FAT3: variants seen among roughly 807,000 people sequenced by gnomAD.
FAT3 encodes the protein protocadherin Fat 3.
A neutral mutation model predicts 310.2 loss-of-function variants in FAT3; 95 were observed. The ratio of observed to expected loss-of-function variants is 0.31; its 90% CI spans 0.26 to 0.36. FAT3 has a LOEUF of 0.36. Among genes scored for constraint, FAT3 ranks in the 10% least tolerant of loss-of-function variants. The pLI, the probability that FAT3 is intolerant of heterozygous loss-of-function variation, is 1.00. For synonymous variants in FAT3, 2,314 were observed against 2,192.9 expected, an observed-to-expected ratio of 1.06 and a Z score of -1.54; for missense variants, 5,408 against 5,715.6, an observed-to-expected ratio of 0.95 and a Z score of 1.74.
At chr11:92,280,993 T>C (rs1178821651) in intron 1 of FAT3, among the ~76,000 whole-genome samples, 1 of 152,182 alleles carries the variant, frequency 6.6e-6, no homozygotes, top group East Asian at 1.9e-4. Context: ...AAATATATAT[T>C]TATTGCAAAT....
At chr11:92,286,548 C>T (rs928992498) in intron 1 of FAT3, among the ~76,000 whole-genome samples, 1 of 152,112 alleles carries the variant, frequency 6.6e-6, no homozygotes, top group Non-Finnish European at 1.5e-5. Flanking sequence ...AGTTGTTTTC[C>T]TGAAGGACCA....
chr11:92,631,655 G>A (rs1309154714), intron 3 of FAT3, among the ~76,000 whole-genome samples: 3 of 151,972 alleles, frequency 2.0e-5, no homozygotes, highest in Admixed American at 6.6e-5. Context: ...AATTAAACCC[G>A]TTTTCTTTAT....
intron 2 of FAT3, among the ~76,000 whole-genome samples, chr11:92,476,089 G>A (rs1197845536): frequency 6.6e-6 from 1 of 152,094 alleles, no homozygotes; most frequent in Non-Finnish European, 1.5e-5. Context: ...GTGCGTGTGT[G>A]TGTGTATACA....
intron 3 of FAT3, among the ~76,000 whole-genome samples, chr11:92,573,163 A>T (rs654032): frequency 3.9e-5 from 6 of 152,018 alleles, no homozygotes; most frequent in Non-Finnish European, 7.4e-5. Context: ...CCCATTTCTC[A>T]TAAGCCAACA....
At chr11:92,619,650 T>C (rs1230338102) in intron 3 of FAT3, among the ~76,000 whole-genome samples, 1 of 152,132 alleles carries the variant, frequency 6.6e-6, no homozygotes, top group Non-Finnish European at 1.5e-5. Flanking sequence ...TTTGTTGTAA[T>C]ATAGTTATTC....
At chr11:92,254,631 G>A (rs1192393291) in intron 1 of FAT3, among the ~76,000 whole-genome samples, 2 of 152,040 alleles carry the variant, frequency 1.3e-5, no homozygotes, top group South Asian at 2.1e-4. Flanking sequence ...TTACCCTATG[G>A]AAATTTTACT....
At chr11:92,790,302 C>A in intron 8 of FAT3, 84 bp downstream of exon 8, 2 of 1,376,862 alleles carry the variant, frequency 1.5e-6, no homozygotes, top group South Asian at 1.6e-5. Context: ...GTATAGGGCC[C>A]CTAAATTTTA....
chr11:92,508,338 A>G (rs1953182326), intron 2 of FAT3, among the ~76,000 whole-genome samples: 1 of 152,114 alleles, frequency 6.6e-6, no homozygotes, highest in Non-Finnish European at 1.5e-5. Context: ...TAAGTGAGCT[A>G]TATGCTTTCA....
intron 3 of FAT3, among the ~76,000 whole-genome samples, chr11:92,618,109 C>A (rs1485552872): frequency 6.6e-6 from 1 of 152,206 alleles, no homozygotes; most frequent in Non-Finnish European, 1.5e-5. Context: ...GGCAGGCCTC[C>A]ATGAGCTGCG....
chr11:92,644,838 C>T (rs895331015), intron 3 of FAT3, among the ~76,000 whole-genome samples: 8 of 152,144 alleles, frequency 5.3e-5, no homozygotes, highest in African/African-American at 9.7e-5. Flanking sequence ...CTCTAACATG[C>T]GTGACTGGTT....
intron 1 of FAT3, among the ~76,000 whole-genome samples, chr11:92,338,610 G>T (rs939859924): frequency 6.6e-6 from 1 of 152,094 alleles, no homozygotes; most frequent in Non-Finnish European, 1.5e-5. Context: ...AAAATTATGC[G>T]AGCCTCTGGA....
intron 3 of FAT3, among the ~76,000 whole-genome samples, chr11:92,627,987 G>A (rs1385928377): frequency 6.6e-6 from 1 of 152,170 alleles, no homozygotes; most frequent in Non-Finnish European, 1.5e-5. Flanking sequence ...CCTACTGTGC[G>A]ACCTCAGAAA....
intron 14 of FAT3, among the ~76,000 whole-genome samples, chr11:92,833,606 A>G (rs1948323051): frequency 6.6e-6 from 1 of 152,212 alleles, no homozygotes; most frequent in Non-Finnish European, 1.5e-5. Context: ...CTGTAGGGAT[A>G]CCAAAAATGT....
At chr11:92,631,596 A>G (rs1225123736) in intron 3 of FAT3, among the ~76,000 whole-genome samples, 1 of 152,040 alleles carries the variant, frequency 6.6e-6, no homozygotes, top group East Asian at 1.9e-4. Flanking sequence ...GCCTTCTGCC[A>G]TGATCACAAG....
chr11:92,511,641 C>A (rs1467478378), intron 2 of FAT3, among the ~76,000 whole-genome samples: 2 of 152,062 alleles, frequency 1.3e-5, no homozygotes, highest in African/African-American at 4.8e-5. Flanking sequence ...AGGGGTCAGC[C>A]CCCACCCTGG....
intron 2 of FAT3, among the ~76,000 whole-genome samples, chr11:92,425,124 T>C (rs900492828): frequency 3.9e-5 from 6 of 152,194 alleles, no homozygotes; most frequent in Admixed American, 1.3e-4. Context: ...TTTGGGTTTT[T>C]TTCCATTTCT....
intron 1 of FAT3, among the ~76,000 whole-genome samples, chr11:92,315,501 A>ATATATATATATAT (rs1215235952): frequency 1.1e-5 from 1 of 94,156 alleles, no homozygotes; most frequent in Non-Finnish European, 2.2e-5. Flanking sequence ...ATATATATAT[A>ATATATATATATAT]TATATATATA....
chr11:92,384,675 T>C (rs1025085598), intron 2 of FAT3, among the ~76,000 whole-genome samples: 3 of 152,138 alleles, frequency 2.0e-5, no homozygotes, highest in African/African-American at 7.2e-5. Flanking sequence ...TGCTTCCTGA[T>C]GTACGGGTTA....
intron 2 of FAT3, among the ~76,000 whole-genome samples, chr11:92,523,859 T>G (rs1417840031): frequency 6.6e-6 from 1 of 152,154 alleles, no homozygotes; most frequent in Non-Finnish European, 1.5e-5. Context: ...ACATCTGATT[T>G]CCTGGTTGGC....
Sources: gnomAD v4.1 joint callset for allele counts (sites outside exome capture counted in the v4.1 genomes callset) on GRCh38, gnomAD v4.1.1 for gene constraint, MANE v1.5 for transcripts, NCBI Gene and HGNC (gene_info 2026-07-23, HGNC 2026-07-21) for gene names.